Variants in CAMTA1 observed in about 807,000 individuals in gnomAD.
CAMTA1 encodes the protein calmodulin binding transcription activator 1, also known as calmodulin-binding transcription activator 1.
A neutral mutation model predicts 170.9 loss-of-function variants in CAMTA1; 27 were observed. The ratio of observed to expected loss-of-function variants is 0.16; its 90% CI spans 0.12 to 0.22. The LOEUF (loss-of-function observed/expected upper bound fraction) is 0.22. Ranked by LOEUF, CAMTA1 falls within the 10% of genes least tolerant of loss-of-function variation. The probability of loss-of-function intolerance (pLI) is 1.00; values close to 1 mark genes in which losing one functional copy is unlikely to be tolerated. For missense variants in CAMTA1, 1,619 were observed against 2,217.2 expected (o/e 0.73, Z 5.42); for synonymous variants, 833 against 891.5 (o/e 0.93, Z 1.17).
intron 6 of CAMTA1, among the ~76,000 whole-genome samples, chr1:7,502,065 T>C (rs12562695): frequency 0.08 from 12,216 of 152,274 alleles, 845 homozygotes; most frequent in African/African-American, 0.18. Context: ...AGGCGCCTGC[T>C]GGTTTTCTGC....
At chr1:7,103,989 TAC>T (rs535876913) in intron 4 of CAMTA1, among the ~76,000 whole-genome samples, 152 of 144,646 alleles carry the variant, frequency 1.1e-3, no homozygotes, top group East Asian at 9.8e-3. Context: ...AACACACAAG[TAC>T]ACACATGAAC....
chr1:7,526,163 G>A (rs891360482), intron 6 of CAMTA1, among the ~76,000 whole-genome samples: 1 of 152,090 alleles, frequency 6.6e-6, no homozygotes, highest in African/African-American at 2.4e-5. Flanking sequence ...ACTGCAAGCA[G>A]AAGGAGAAGG....
At chr1:7,176,789 G>C (rs1471668270) in intron 4 of CAMTA1, among the ~76,000 whole-genome samples, 2 of 152,166 alleles carry the variant, frequency 1.3e-5, no homozygotes, top group African/African-American at 4.8e-5. Flanking sequence ...GGCCACCCCT[G>C]GCTGTGCCAT....
At chr1:7,478,861 T>C (rs1481504684) in intron 6 of CAMTA1, among the ~76,000 whole-genome samples, 3 of 152,252 alleles carry the variant, frequency 2.0e-5, no homozygotes, top group African/African-American at 7.2e-5. Context: ...GCTGACATTG[T>C]GTCCTTAATA....
At position 7,732,016 on chromosome 1, in the gene CAMTA1, C is replaced by CTT. The variant is rs77932760; in HGVS notation, c.2915-420_2915-419dup. Among the ~76,000 whole-genome samples, 8,105 of 143,290 alleles carry CTT rather than the reference C, an allele frequency of 0.057. 320 individuals carry two copies. The highest frequency in any genetic ancestry group is 0.078 in the Non-Finnish European group (5,131 of 65,690). 94.0% of individuals were successfully genotyped at this position (143,290 alleles called of 152,430 possible). ...AGTGTTTTGGTAAAAGATATACTAC[C>CTT]TTTTTTTTTTTTTGTCTAACATACC... On this transcript the variant is annotated intron_variant, in intron 11 of 22. Coordinates refer to ENST00000303635, the MANE Select transcript of CAMTA1 (RefSeq NM_015215.4). This position sits in a 1 kb window ranked among gnomAD's most constrained non-coding sequence, Gnocchi z 4.1.
Position 7,074,296 on chromosome 1 carries a change from TA to T in CAMTA1, c.235-17007del, listed in dbSNP as rs1639023723. On this transcript the variant is annotated intron_variant, in intron 3 of 22. Coordinates refer to ENST00000303635, the MANE Select transcript of CAMTA1 (RefSeq NM_015215.4). Reference sequence around the variant, plus strand: ...CTTCCCTCATTCCTGTATTCAGTTTTATTGCTTGTCTTGCAAAATGGCACAT... The same window carrying T: ...CTTCCCTCATTCCTGTATTCAGTTTTTTGCTTGTCTTGCAAAATGGCACAT... Among the ~76,000 whole-genome samples the T allele has an allele frequency of 2.0e-5, 3 of 152,236 alleles. No individual in the cohort carries two copies. The South Asian group carries it at 6.2e-4, about 31-fold the overall frequency.
intron 11 of CAMTA1, among the ~76,000 whole-genome samples, chr1:7,678,822 C>T (rs964598467): frequency 6.6e-6 from 1 of 152,226 alleles, no homozygotes; most frequent in Admixed American, 6.5e-5. Flanking sequence ...TCACGCACCC[C>T]GCACCCACAG....
chr1:7,557,021 T>A (rs2094887745), intron 6 of CAMTA1, among the ~76,000 whole-genome samples: 1 of 152,060 alleles, frequency 6.6e-6, no homozygotes, highest in African/African-American at 2.4e-5. Context: ...GTTAACATGT[T>A]CAACAGCCAG....
At chr1:7,425,210 A>T (rs1004954675) in intron 5 of CAMTA1, among the ~76,000 whole-genome samples, 3 of 152,188 alleles carry the variant, frequency 2.0e-5, no homozygotes. Context: ...TGTGGGGAAG[A>T]CTTCCTGCTC....
At chr1:7,557,817 G>C (rs2094899935) in intron 6 of CAMTA1, among the ~76,000 whole-genome samples, 1 of 152,202 alleles carries the variant, frequency 6.6e-6, no homozygotes, top group African/African-American at 2.4e-5. Context: ...GCTGGCAGGA[G>C]GCATCTCGGG....
At chr1:7,669,182 C>A (rs906891340) in intron 9 of CAMTA1, among the ~76,000 whole-genome samples, 1 of 152,256 alleles carries the variant, frequency 6.6e-6, no homozygotes, top group Non-Finnish European at 1.5e-5. Context: ...CGGTCCTGAG[C>A]TCTCTCTGCT....
intron 3 of CAMTA1, among the ~76,000 whole-genome samples, chr1:7,069,979 C>A (rs578165064): frequency 6.6e-6 from 1 of 152,240 alleles, no homozygotes; most frequent in African/African-American, 2.4e-5. Context: ...GCCTGCTACT[C>A]CTTGCCGCGG....
At chr1:7,552,905 C>T (rs563121405) in intron 6 of CAMTA1, among the ~76,000 whole-genome samples, 6 of 152,356 alleles carry the variant, frequency 3.9e-5, no homozygotes, top group African/African-American at 1.4e-4. Context: ...CCCTGTTTCT[C>T]TCCTGCCCTG....
At chr1:6,995,767 C>T (rs1415653610) in intron 3 of CAMTA1, among the ~76,000 whole-genome samples, 1 of 152,024 alleles carries the variant, frequency 6.6e-6, no homozygotes, top group Non-Finnish European at 1.5e-5. Flanking sequence ...GGGAGAGCAC[C>T]AGGAGTGGTC....
At chr1:7,454,529 C>G (rs1193245) in intron 5 of CAMTA1, among the ~76,000 whole-genome samples, 1 of 152,038 alleles carries the variant, frequency 6.6e-6, no homozygotes, top group African/African-American at 2.4e-5. Flanking sequence ...GATGTGCAGG[C>G]GAGTTTCAAA....
rs1199173651 is a variant in CAMTA1, at chr1:7,463,648, TAC to T, written c.439-4180_439-4179del. Among the ~76,000 whole-genome samples the T allele has an allele frequency of 2.6e-5, 4 of 151,634 alleles. No homozygotes were observed. Among genetic ancestry groups the T allele is most frequent in the African/African-American group, 9.7e-5 (4 of 41,256 alleles). ...AGAGAGGCAAGGAGAGAGAGACAGATACAGAGATAGGAAGAGAGAAACAGATG... is the reference window on the plus strand; with the variant it reads ...AGAGAGGCAAGGAGAGAGAGACAGATAGAGATAGGAAGAGAGAAACAGATG... On this transcript the variant is annotated intron_variant, in intron 5 of 22. Transcript: ENST00000303635. This position sits in a 1 kb window ranked among gnomAD's most constrained non-coding sequence, Gnocchi z 4.7.
At chr1:7,521,778 A>G (rs922603319) in intron 6 of CAMTA1, among the ~76,000 whole-genome samples, 5 of 152,050 alleles carry the variant, frequency 3.3e-5, no homozygotes, top group Admixed American at 3.3e-4. Context: ...TGAACTCCTG[A>G]CCTCATGATC....
At chr1:7,632,889 C>G (rs549007215) in intron 6 of CAMTA1, among the ~76,000 whole-genome samples, 1 of 152,376 alleles carries the variant, frequency 6.6e-6, no homozygotes, top group East Asian at 1.9e-4. Context: ...AGGTGCAGAG[C>G]TCAGCTCCCC....
chr1:7,161,631 C>T (rs930295890), intron 4 of CAMTA1, among the ~76,000 whole-genome samples: 1 of 152,222 alleles, frequency 6.6e-6, no homozygotes, highest in African/African-American at 2.4e-5. Context: ...CTTGCTCTTC[C>T]TTGCCTTTCA....
Sources: gnomAD v4.1 joint callset for allele counts (sites outside exome capture counted in the v4.1 genomes callset) on GRCh38, gnomAD v4.1.1 for gene constraint, Gnocchi (gnomAD v3.1) non-coding constraint, MANE v1.5 for transcripts, NCBI Gene and HGNC (gene_info 2026-07-23, HGNC 2026-07-21) for gene names.